The following ZNF385D variants were observed in gnomAD, a reference collection of about 807,000 sequenced individuals.
The protein encoded by ZNF385D is zinc finger protein 385D, also known as zinc finger protein 659.
Under a neutral mutation model 35.8 loss-of-function variants are expected in ZNF385D, and 15 were observed. That is an observed-to-expected ratio of 0.42 (90% confidence interval 0.28 to 0.64). The LOEUF is 0.64. ZNF385D is among the 30% of genes least tolerant of loss of function. The probability of loss-of-function intolerance (pLI) is 0.23; values close to 1 mark genes in which losing one functional copy is unlikely to be tolerated. For missense variants in ZNF385D, 474 were observed against 494.6 expected (o/e 0.96, Z 0.39); for synonymous variants, 212 against 186.8 (o/e 1.13, Z -1.10).
rs61668943 is a variant in ZNF385D, at chr3:22,180,914, C to CTTTTTTTTTTTTTTTTTTTTTTTT, written c.107-11880_107-11879insAAAAAAAAAAAAAAAAAAAAAAAA. On this transcript the variant is annotated intron_variant, in intron 2 of 5. Transcript: ENST00000494108. ...AATCCAGTAGCTATATGCTTTTGTT[C>CTTTTTTTTTTTTTTTTTTTTTTTT]TTTTTTTTTTTTTTTTAAGAGACAG... Among the ~76,000 whole-genome samples, 101 of 112,926 alleles carry CTTTTTTTTTTTTTTTTTTTTTTTT rather than the reference C, an allele frequency of 8.9e-4. 9 individuals are homozygous for CTTTTTTTTTTTTTTTTTTTTTTTT. The highest frequency in any genetic ancestry group is 4.0e-3 in the East Asian group (17 of 4,244). 74.1% of individuals were successfully genotyped at this position (112,926 alleles called of 152,430 possible). A position where few individuals can be genotyped will look rare whatever the true frequency, so the allele number is the denominator to read the frequency against.
At chr3:21,808,256 A>G (rs994072836) in intron 3 of ZNF385D, among the ~76,000 whole-genome samples, 3 of 152,238 alleles carry the variant, frequency 2.0e-5, no homozygotes, top group African/African-American at 7.2e-5. Context: ...CATAAATAAC[A>G]ACTCAAACAT....
intron 3 of ZNF385D, among the ~76,000 whole-genome samples, chr3:21,832,693 C>T (rs1420109202): frequency 6.6e-6 from 1 of 152,170 alleles, no homozygotes; most frequent in African/African-American, 2.4e-5. Context: ...ATGCCATCCT[C>T]AGCACTGTTG....
At chr3:21,529,572 A>G (rs547500189) in intron 3 of ZNF385D, among the ~76,000 whole-genome samples, 1 of 152,098 alleles carries the variant, frequency 6.6e-6, no homozygotes, top group East Asian at 1.9e-4. Flanking sequence ...TCTTACGTAA[A>G]TTTTATCTAT....
intron 2 of ZNF385D, among the ~76,000 whole-genome samples, chr3:22,244,047 C>G (rs1699634035): frequency 6.6e-6 from 1 of 150,638 alleles, no homozygotes; most frequent in African/African-American, 2.5e-5. Flanking sequence ...CTTCTCTCAC[C>G]AGAACAAAGT....
At chr3:21,989,474 C>T (rs992885012) in intron 3 of ZNF385D, among the ~76,000 whole-genome samples, 2 of 152,116 alleles carry the variant, frequency 1.3e-5, no homozygotes, top group Non-Finnish European at 2.9e-5. Context: ...TCGGTTTAGA[C>T]ATGTAAAAGA....
intron 2 of ZNF385D, among the ~76,000 whole-genome samples, chr3:22,361,656 T>C (rs1368743840): frequency 5.3e-5 from 8 of 152,068 alleles, no homozygotes; most frequent in Admixed American, 1.3e-4. Flanking sequence ...CAATGTATGA[T>C]AGACTTAGCA....
intron 4 of ZNF385D, among the ~76,000 whole-genome samples, chr3:21,509,044 C>T (rs374007269): frequency 6.7e-6 from 1 of 149,182 alleles, no homozygotes; most frequent in South Asian, 2.2e-4. Context: ...GTGGCACAAT[C>T]TCGGCTCACA....
chr3:21,985,072 A>G (rs1052161446), intron 3 of ZNF385D, among the ~76,000 whole-genome samples: 50 of 143,558 alleles, frequency 3.5e-4, no homozygotes, highest in African/African-American at 1.2e-3. Context: ...TTGGGCTGAG[A>G]CAATGGGGTT....
chr3:21,482,888 T>C (rs1455809686), intron 4 of ZNF385D, among the ~76,000 whole-genome samples: 1 of 152,110 alleles, frequency 6.6e-6, no homozygotes, highest in Non-Finnish European at 1.5e-5. Context: ...ATAGAGAGAA[T>C]TTCTGTGTAG....
At chr3:22,090,950 T>G (rs1701300243) in intron 3 of ZNF385D, among the ~76,000 whole-genome samples, 1 of 152,150 alleles carries the variant, frequency 6.6e-6, no homozygotes, top group East Asian at 1.9e-4. Context: ...GAGGAACAGG[T>G]ATACACCATA....
intron 1 of ZNF385D, among the ~76,000 whole-genome samples, chr3:21,698,601 C>A: frequency 6.6e-6 from 1 of 151,466 alleles, no homozygotes; most frequent in East Asian, 2.0e-4. Flanking sequence ...CTCCCTCAAG[C>A]AAATATCCAG....
intron 1 of ZNF385D, among the ~76,000 whole-genome samples, chr3:21,750,631 C>G (rs763117800): frequency 2.6e-5 from 4 of 152,098 alleles, no homozygotes; most frequent in Admixed American, 6.5e-5. Flanking sequence ...TCAGGCAAAT[C>G]AAGGCAAAGT....
At chr3:22,300,978 C>T (rs1399442076) in intron 2 of ZNF385D, among the ~76,000 whole-genome samples, 2 of 152,014 alleles carry the variant, frequency 1.3e-5, no homozygotes, top group Non-Finnish European at 2.9e-5. Flanking sequence ...AAAGAGACAT[C>T]TGTATTCCCA....
chr3:22,262,322 G>T (rs1033631427), intron 2 of ZNF385D, among the ~76,000 whole-genome samples: 14 of 151,872 alleles, frequency 9.2e-5, no homozygotes, highest in African/African-American at 3.1e-4. Flanking sequence ...GTGACACATG[G>T]AGTTAACACA....
At chr3:22,121,993 A>T (rs531077069) in intron 3 of ZNF385D, among the ~76,000 whole-genome samples, 26 of 151,996 alleles carry the variant, frequency 1.7e-4, no homozygotes, top group African/African-American at 6.3e-4. Flanking sequence ...CAAACTGGCT[A>T]GCTAACAACC....
intron 3 of ZNF385D, among the ~76,000 whole-genome samples, chr3:22,131,561 G>A (rs992429419): frequency 2.6e-5 from 4 of 152,054 alleles, no homozygotes; most frequent in African/African-American, 7.2e-5. Context: ...AGGAGAGAAT[G>A]GAAGGAACTG....
chr3:22,074,045 C>T (rs1299689631), intron 3 of ZNF385D, among the ~76,000 whole-genome samples: 1 of 151,906 alleles, frequency 6.6e-6, no homozygotes, highest in African/African-American at 2.4e-5. Flanking sequence ...AATTTGGCTT[C>T]TGATTATTCT....
At chr3:22,233,069 T>G (rs1250489985) in intron 2 of ZNF385D, among the ~76,000 whole-genome samples, 1 of 152,306 alleles carries the variant, frequency 6.6e-6, no homozygotes, top group East Asian at 1.9e-4. Context: ...TGGGAAATTT[T>G]TACTATAATT....
At chr3:22,007,220 G>C (rs773684504) in intron 3 of ZNF385D, among the ~76,000 whole-genome samples, 26 of 151,986 alleles carry the variant, frequency 1.7e-4, no homozygotes, top group Non-Finnish European at 1.6e-4. Context: ...CATCTCCCCT[G>C]TATTTTCTTT....
Sources: gnomAD v4.1 joint callset for allele counts (sites outside exome capture counted in the v4.1 genomes callset) on GRCh38, gnomAD v4.1.1 for gene constraint, MANE v1.5 for transcripts, NCBI Gene and HGNC (gene_info 2026-07-23, HGNC 2026-07-21) for gene names.